The following CHGA variants were observed in gnomAD, a reference collection of about 807,000 sequenced individuals.
CHGA encodes chromogranin A, also known as chromogranin-A.
In CHGA, 41 loss-of-function variants were observed where a neutral mutation model predicts 54.4. The ratio of observed to expected loss-of-function variants is 0.75; its 90% CI spans 0.59 to 0.98. The LOEUF (loss-of-function observed/expected upper bound fraction) is 0.98. CHGA is among the 50% of genes least tolerant of loss of function. The pLI is 0.00. For synonymous variants in CHGA, 249 were observed against 232.8 expected, an observed-to-expected ratio of 1.07 and a Z score of -0.63; for missense variants, 576 against 582.3, an observed-to-expected ratio of 0.99 and a Z score of 0.11.
chr14:92,923,785 C>T (rs900315534), intron 1 of CHGA, among the ~76,000 whole-genome samples: 7 of 152,206 alleles, frequency 4.6e-5, no homozygotes, highest in African/African-American at 1.7e-4. Context: ...ACGCTCCCCG[C>T]CTTTCTGCCC....
At position 92,935,155 on chromosome 14, in the gene CHGA, C is replaced by G. The variant is rs1887098602; in HGVS notation, c.*271C>G. 1 of 464,436 alleles carries G rather than the reference C, an allele frequency of 2.2e-6. No individual in the cohort carries two copies. 28.8% of individuals were successfully genotyped at this position (464,436 alleles called of 1,614,324 possible). A position where few individuals can be genotyped will look rare whatever the true frequency, so the allele number is the denominator to read the frequency against. On this transcript the variant is annotated 3_prime_UTR_variant, in exon 8 of 8. Transcript: ENST00000216492. ...CACAGGCAGCTTTCTAGAAGTTTCC[C>G]TTCCTCCATCCTATCCACTGGGCAC... is the stretch of plus-strand genomic sequence containing the variant.
In CHGA at chr14:92,931,349, A is replaced by G. The variant is rs988620296; in HGVS notation, c.455A>G (p.Gln152Arg). 5.0e-6 allele frequency: 8 copies of G among 1,613,500 alleles called. No individual in the cohort carries two copies. In the South Asian group the frequency reaches 6.6e-5, roughly 13 times the overall value. Residue 152 changes from glutamine (Q) to arginine (R), a missense_variant, in exon 6 of 8, where the codon CAG becomes CGG. Transcript: ENST00000216492. ...SGEATDGARPQALPEPMQESK... is the reference protein window; with the variant it reads ...SGEATDGARPRALPEPMQESK... Reference sequence around the variant, plus strand: ...GAAGCCACAGACGGAGCCAGGCCCCAGGCCCTCCCGGAGCCCATGCAGGAG... The same window carrying G: ...GAAGCCACAGACGGAGCCAGGCCCCGGGCCCTCCCGGAGCCCATGCAGGAG...
At chr14:92,931,752 G>A (rs1233577941) in intron 6 of CHGA, 50 bp downstream of exon 6, 1 of 1,507,320 alleles carries the variant, frequency 6.6e-7, no homozygotes, top group African/African-American at 1.4e-5. Flanking sequence ...AGAGGGGGAT[G>A]GGTGGGAGGA....
At position 92,929,821 on chromosome 14, in the gene CHGA, T is replaced by A; in HGVS notation, c.355+6T>A. ...CAGCCAGGCCGAGCTGAAAGGTCTG[T>A]CCCAGCCGGTCTGGCCGGAGGTGGG... On this transcript the variant is annotated splice_donor_region_variant and intron_variant, in intron 5 of 7. Coordinates refer to ENST00000216492, the MANE Select transcript of CHGA (RefSeq NM_001275.4). 6.2e-7 allele frequency: 1 copy of A among 1,603,240 alleles called. No homozygotes were observed. The highest frequency in any genetic ancestry group is 1.1e-5 in the South Asian group (1 of 90,550).
At position 92,931,648 on chromosome 14, in the gene CHGA, G is replaced by A; in HGVS notation, c.754G>A (p.Val252Ile). 6.2e-7 allele frequency: 1 copy of A among 1,607,260 alleles called. No individual in the cohort carries two copies. The highest frequency in any genetic ancestry group is 1.1e-5 in the South Asian group (1 of 90,278). The change falls in exon 6 of 8, where the codon GTA becomes ATA. Residue 252 changes from valine (V) to isoleucine (I), a missense_variant. By Grantham distance (29) the Val-to-Ile change is conservative. Transcript: ENST00000216492. ...TGTCCCCGAGGAAGAAGGCCCCACTGTAGTGCTGAACCCCCACCCGAGCCT... is the reference window on the plus strand; with the variant it reads ...TGTCCCCGAGGAAGAAGGCCCCACTATAGTGCTGAACCCCCACCCGAGCCT... ...EAVPEEEGPT[V>I]VLNPHPSLGY...
At chr14:92,929,994 G>A (rs1886963329) in intron 5 of CHGA, among the ~76,000 whole-genome samples, 179 bp downstream of exon 5, 1 of 152,196 alleles carries the variant, frequency 6.6e-6, no homozygotes, top group African/African-American at 2.4e-5. Flanking sequence ...CAAGGTGAGT[G>A]GCATGACCAG....
At chr14:92,924,327 G>A in intron 2 of CHGA, 82 bp downstream of exon 2, 2 of 1,422,358 alleles carry the variant, frequency 1.4e-6, no homozygotes, top group South Asian at 2.6e-5. Flanking sequence ...GCAGGAGTAA[G>A]TTCGGCATAA....
intron 5 of CHGA, among the ~76,000 whole-genome samples, chr14:92,930,334 ATCCT>A (rs1886969911): frequency 3.3e-5 from 5 of 152,220 alleles, no homozygotes; most frequent in African/African-American, 1.2e-4. Context: ...ACTCTGAGCC[ATCCT>A]CCCTTCCCGG....
In CHGA at chr14:92,932,285, A is replaced by C; in HGVS notation, c.809-85A>C. On this transcript the variant is annotated intron_variant, in intron 6 of 7. Coordinates refer to ENST00000216492, the MANE Select transcript of CHGA (RefSeq NM_001275.4). The surrounding 1 kb of genome is among the most constrained non-coding windows in gnomAD (Gnocchi z 5.3). ...TGTGGAGAGGCTGGGCTGTGGCCGC[A>C]GCAGAGGCCCCCAGGGAGTGGCAGA... 1 of 1,464,554 alleles carries C rather than the reference A, an allele frequency of 6.8e-7. No individual in the cohort carries two copies. Among genetic ancestry groups the C allele is most frequent in the South Asian group, 1.4e-5 (1 of 69,852 alleles). The allele number at this position is 1,464,554 out of a possible 1,614,324, so 90.7% of individuals were successfully genotyped here.
Position 92,923,150 on chromosome 14 carries a change from G to T in CHGA, c.-210G>T, listed in dbSNP as rs1886815558. On this transcript the variant is annotated 5_prime_UTR_variant, in exon 1 of 8. Transcript: ENST00000216492. The stretch of plus-strand genomic sequence containing the variant: ...AGCGGGGCGCGAGGGCGCTGCTGCT[G>T]CCACCGCTCCTGCCACTGCAGTGCT... The T allele has an allele frequency of 5.6e-6, 2 of 360,232 alleles. No homozygotes were observed. The highest frequency in any genetic ancestry group is 4.8e-5 in the Admixed American group (1 of 20,710). The allele number at this position is 360,232 out of a possible 1,614,324, so 22.3% of individuals were successfully genotyped here.
rs756508466 is a variant in CHGA, at chr14:92,931,232, G to T, written c.356-18G>T. 8.8e-6 allele frequency: 14 copies of T among 1,595,548 alleles called. No homozygotes were observed. In the Admixed American group the frequency reaches 2.0e-4, roughly 23 times the overall value. ...GGCCCAGTCCTCAGGGCCTGACTTGGCTGTGCTGTGTCTGCAGAGGCGGTG... is the reference window on the plus strand; with the variant it reads ...GGCCCAGTCCTCAGGGCCTGACTTGTCTGTGCTGTGTCTGCAGAGGCGGTG... On this transcript the variant is annotated intron_variant, in intron 5 of 7. Coordinates refer to ENST00000216492, the MANE Select transcript of CHGA (RefSeq NM_001275.4).
intron 6 of CHGA, 23 bp downstream of exon 6, chr14:92,931,725 C>T: frequency 6.5e-7 from 1 of 1,538,404 alleles, no homozygotes; most frequent in Non-Finnish European, 8.8e-7. Context: ...GCGAAGACCT[C>T]AACGAACGTG....
chr14:92,924,285 G>C, intron 2 of CHGA, 40 bp downstream of exon 2: 1 of 1,594,498 alleles, frequency 6.3e-7, no homozygotes, highest in Non-Finnish European at 8.5e-7. Context: ...GGAGGCTCCA[G>C]TGGACACTTC....
At chr14:92,925,065 G>A (rs1279987684) in intron 2 of CHGA, among the ~76,000 whole-genome samples, 1 of 152,178 alleles carries the variant, frequency 6.6e-6, no homozygotes. Flanking sequence ...TGTTTTAGTT[G>A]CAGATAGGAC....
intron 2 of CHGA, among the ~76,000 whole-genome samples, chr14:92,925,498 T>C (rs1356309575): frequency 1.3e-5 from 2 of 152,222 alleles, no homozygotes; most frequent in African/African-American, 2.4e-5. Context: ...GACCTGAAGA[T>C]TCTATACGAG....
At chr14:92,929,562 C>T (rs187742017) in intron 4 of CHGA, among the ~76,000 whole-genome samples, 155 bp from the exon 5 acceptor site, 122 of 152,360 alleles carry the variant, frequency 8.0e-4, no homozygotes, top group African/African-American at 2.5e-3. Flanking sequence ...AACCCTTCAC[C>T]GCTCCCCAAG....
At chr14:92,924,046 G>C (rs933122897) in intron 1 of CHGA, among the ~76,000 whole-genome samples, 153 bp from the exon 2 acceptor site, 5 of 152,252 alleles carry the variant, frequency 3.3e-5, no homozygotes, top group African/African-American at 1.2e-4. Context: ...AGCAACCAGG[G>C]AAGGGAAACA....
At position 92,932,712 on chromosome 14, in the gene CHGA, G is replaced by T; in HGVS notation, c.1151G>T (p.Arg384Met). The change falls in exon 7 of 8, where the codon AGG becomes ATG. Residue 384 changes from arginine to methionine, a missense_variant. Arg to Met is a moderately conservative substitution (Grantham distance 91). Transcript: ENST00000216492. This position sits in a 1 kb window ranked among gnomAD's most constrained non-coding sequence, Gnocchi z 5.3. ...TTCCGGGCCCGGGCCTACGGCTTCA[G>T]GGGCCCTGGGCCGCAGCTGCGACGA... ...LSFRARAYGFRGPGPQLRRGW... is the reference protein window; with the variant it reads ...LSFRARAYGFMGPGPQLRRGW... The T allele has an allele frequency of 6.2e-7, 1 of 1,611,208 alleles. No individual in the cohort carries two copies.
At chr14:92,924,785 G>A (rs939034507) in intron 2 of CHGA, among the ~76,000 whole-genome samples, 2 of 152,224 alleles carry the variant, frequency 1.3e-5, no homozygotes, top group African/African-American at 2.4e-5. Context: ...AGTTGTGGAG[G>A]TCACCCAGGA....
Sources: allele counts gnomAD v4.1 joint callset (sites outside exome capture counted in the v4.1 genomes callset), GRCh38; gene constraint gnomAD v4.1.1; non-coding constraint Gnocchi (gnomAD v3.1); transcripts MANE v1.5; gene names NCBI Gene and HGNC (gene_info 2026-07-23, HGNC 2026-07-21).